CFAP299: variants seen among roughly 807,000 people sequenced by gnomAD.
CFAP299 encodes cilia and flagella associated protein 299.
Under a neutral mutation model 27.0 loss-of-function variants are expected in CFAP299, and 21 were observed. The observed-to-expected ratio is 0.78, with a 90% CI of 0.55 to 1.12. The LOEUF is 1.12. CFAP299 is among the 50% of genes most tolerant of loss of function. CFAP299 has a pLI of 0.00. For missense variants in CFAP299, 310 were observed against 276.6 expected, an observed-to-expected ratio of 1.12 and a Z score of -0.86; for synonymous variants, 104 against 98.1, an observed-to-expected ratio of 1.06 and a Z score of -0.36.
rs561781458 is a variant in CFAP299, at chr4:80,805,894, TTAAAA to T, written c.334-64088_334-64084del. Among the ~76,000 whole-genome samples the T allele has an allele frequency of 2.6e-3, 388 of 151,398 alleles. 1 individual carries two copies. Among genetic ancestry groups the T allele is most frequent in the African/African-American group, 8.8e-3 (363 of 41,308 alleles). Reference sequence around the variant, plus strand: ...TTGTCTCAAAAAAGTATTTAAAAAATTAAAATAAAATAAAAAAGACACTGTCTTAA... The same window carrying T: ...TTGTCTCAAAAAAGTATTTAAAAAATTAAAATAAAAAAGACACTGTCTTAA... On this transcript the variant is annotated intron_variant, in intron 3 of 5. Coordinates refer to ENST00000358105, the MANE Select transcript of CFAP299 (RefSeq NM_152770.3).
intron 3 of CFAP299, among the ~76,000 whole-genome samples, chr4:80,616,653 G>A (rs906896152): frequency 1.3e-5 from 2 of 152,004 alleles, no homozygotes; most frequent in African/African-American, 4.8e-5. Flanking sequence ...GGGGCCCTAA[G>A]CATGTATATT....
chr4:80,593,663 T>C (rs1209442078), intron 3 of CFAP299, among the ~76,000 whole-genome samples: 1 of 152,200 alleles, frequency 6.6e-6, no homozygotes, highest in Non-Finnish European at 1.5e-5. Context: ...ATTGGCTTCA[T>C]TGATTTTTGT....
intron 3 of CFAP299, among the ~76,000 whole-genome samples, chr4:80,779,589 T>C (rs546763051): frequency 1.5e-4 from 23 of 152,132 alleles, no homozygotes; most frequent in Admixed American, 1.1e-3. Flanking sequence ...AGATATTAAA[T>C]TCAGACATCA....
chr4:80,953,133 C>T (rs948130771), intron 5 of CFAP299, among the ~76,000 whole-genome samples: 2 of 152,122 alleles, frequency 1.3e-5, no homozygotes, highest in Non-Finnish European at 2.9e-5. Context: ...TTATGGCTTC[C>T]GCAACGTCTC....
chr4:80,501,754 T>C (rs965819823), intron 2 of CFAP299, among the ~76,000 whole-genome samples: 17 of 151,590 alleles, frequency 1.1e-4, no homozygotes, highest in South Asian at 2.1e-4. Context: ...GATAGAAAAT[T>C]TGTCACCTTT....
intron 3 of CFAP299, among the ~76,000 whole-genome samples, chr4:80,781,615 G>A (rs530242981): frequency 1.1e-4 from 16 of 151,984 alleles, no homozygotes; most frequent in East Asian, 5.8e-4. Flanking sequence ...ATAAATATAC[G>A]GGAAGGTTTC....
intron 3 of CFAP299, among the ~76,000 whole-genome samples, chr4:80,845,280 T>C (rs543030810): frequency 1.1e-5 from 1 of 92,154 alleles, no homozygotes; most frequent in Admixed American, 1.1e-4. Context: ...TCCCACACTG[T>C]TTTTTTTTTT....
At chr4:80,485,556 T>C (rs1287764745) in intron 2 of CFAP299, among the ~76,000 whole-genome samples, 2 of 152,142 alleles carry the variant, frequency 1.3e-5, no homozygotes, top group African/African-American at 2.4e-5. Context: ...TAAATAATAC[T>C]AATGGGATCT....
At chr4:80,855,562 C>T (rs534556185) in intron 3 of CFAP299, among the ~76,000 whole-genome samples, 1 of 152,164 alleles carries the variant, frequency 6.6e-6, no homozygotes, top group East Asian at 1.9e-4. Flanking sequence ...CCCTCTCCCC[C>T]CAACCCACAA....
intron 1 of CFAP299, chr4:80,336,528 T>G (rs1722153598): frequency 6.7e-6 from 1 of 150,058 alleles, no homozygotes; most frequent in African/African-American, 2.4e-5. Flanking sequence ...CCTAATGGGT[T>G]GCTTTCCTCT....
At chr4:80,757,257 A>G (rs1725289107) in intron 3 of CFAP299, among the ~76,000 whole-genome samples, 1 of 152,146 alleles carries the variant, frequency 6.6e-6, no homozygotes, top group African/African-American at 2.4e-5. Context: ...GTAATTGGAA[A>G]TAAAATGTAA....
intron 2 of CFAP299, among the ~76,000 whole-genome samples, chr4:80,476,971 G>A (rs1398701263): frequency 2.0e-5 from 3 of 151,938 alleles, no homozygotes; most frequent in Non-Finnish European, 2.9e-5. Context: ...GTGTGTGTGT[G>A]TGTGTGTGTG....
At chr4:80,424,971 A>C (rs922670795) in intron 2 of CFAP299, among the ~76,000 whole-genome samples, 1 of 152,122 alleles carries the variant, frequency 6.6e-6, no homozygotes, top group Non-Finnish European at 1.5e-5. Flanking sequence ...AATGGTGTCC[A>C]TTACTTCCAG....
At chr4:80,802,592 C>T (rs2110111127) in intron 3 of CFAP299, among the ~76,000 whole-genome samples, 1 of 152,080 alleles carries the variant, frequency 6.6e-6, no homozygotes, top group South Asian at 2.1e-4. Flanking sequence ...TATTTGAAAC[C>T]TATAGTATAT....
intron 2 of CFAP299, among the ~76,000 whole-genome samples, chr4:80,413,368 C>T (rs1372070589): frequency 6.6e-6 from 1 of 152,176 alleles, no homozygotes; most frequent in African/African-American, 2.4e-5. Context: ...TGTGAGCTCA[C>T]CTGTGACACC....
chr4:80,503,126 T>C (rs904375737), intron 2 of CFAP299, among the ~76,000 whole-genome samples: 2 of 152,138 alleles, frequency 1.3e-5, no homozygotes, highest in African/African-American at 4.8e-5. Context: ...ATAAAACCAA[T>C]ACTTGATTAA....
At chr4:80,368,494 G>T (rs1481315511) in intron 2 of CFAP299, among the ~76,000 whole-genome samples, 1 of 151,996 alleles carries the variant, frequency 6.6e-6, no homozygotes, top group East Asian at 1.9e-4. Context: ...ACTATAGAAG[G>T]TAGAAATGTC....
intron 2 of CFAP299, among the ~76,000 whole-genome samples, chr4:80,557,113 G>A (rs1734820306): frequency 6.6e-6 from 1 of 152,036 alleles, no homozygotes; most frequent in African/African-American, 2.4e-5. Flanking sequence ...AGAAAGTCCT[G>A]TTATTCCAAC....
chr4:80,920,695 G>A (rs1210981714), intron 4 of CFAP299, among the ~76,000 whole-genome samples: 1 of 152,048 alleles, frequency 6.6e-6, no homozygotes, highest in Non-Finnish European at 1.5e-5. Flanking sequence ...GAATTTCTCT[G>A]AATCTCAGTG....
Sources: gnomAD v4.1 joint callset for allele counts (sites outside exome capture counted in the v4.1 genomes callset) on GRCh38, gnomAD v4.1.1 for gene constraint, MANE v1.5 for transcripts, NCBI Gene and HGNC (gene_info 2026-07-23, HGNC 2026-07-21) for gene names.